Variants in KDM5A observed in about 807,000 individuals in gnomAD.
The protein encoded by KDM5A is lysine-specific demethylase 5A.
In KDM5A, 42 loss-of-function variants were observed where a neutral mutation model predicts 193.5. The observed-to-expected ratio is 0.22, with a 90% confidence interval of 0.17 to 0.28. The LOEUF (loss-of-function observed/expected upper bound fraction) is 0.28, where lower values mean the gene tolerates loss of function less well. Ranked by LOEUF, KDM5A falls within the 10% of genes least tolerant of loss-of-function variation. The probability of loss-of-function intolerance (pLI) is 1.00; values close to 1 mark genes in which losing one functional copy is unlikely to be tolerated. For synonymous variants in KDM5A, 796 were observed against 718.1 expected, an observed-to-expected ratio of 1.11 and a Z score of -1.73; for missense variants, 1,692 against 2,055.1, an observed-to-expected ratio of 0.82 and a Z score of 3.42.
At chr12:378,655 G>A (rs988592046) in intron 3 of KDM5A, among the ~76,000 whole-genome samples, 1 of 152,134 alleles carries the variant, frequency 6.6e-6, no homozygotes. Flanking sequence ...TGCTGAAGTG[G>A]TTATAAAAAC....
chr12:354,353 C>G (rs1360246120), intron 7 of KDM5A, 119 bp from the exon 8 acceptor site: 1 of 699,382 alleles, frequency 1.4e-6, no homozygotes, highest in African/African-American at 1.8e-5. Context: ...TAACTTAAAT[C>G]CTGAATGTCT....
chr12:345,039 G>T (rs951697638), intron 10 of KDM5A, among the ~76,000 whole-genome samples: 1 of 151,740 alleles, frequency 6.6e-6, no homozygotes. Context: ...GTGCAAAGAC[G>T]CACACAGGCT....
intron 10 of KDM5A, among the ~76,000 whole-genome samples, chr12:348,471 T>C (rs1277713931): frequency 2.0e-5 from 3 of 152,210 alleles, no homozygotes; most frequent in South Asian, 2.1e-4. Context: ...CGTATGTTTA[T>C]TGCGGCAGTA....
intron 3 of KDM5A, among the ~76,000 whole-genome samples, chr12:376,274 C>T (rs1591939996): frequency 6.6e-6 from 1 of 152,340 alleles, no homozygotes; most frequent in South Asian, 2.1e-4. Context: ...CAAGCCTCAG[C>T]AATTGTGGGC....
At chr12:296,225 G>T (rs1272092978) in intron 25 of KDM5A, among the ~76,000 whole-genome samples, 1 of 151,844 alleles carries the variant, frequency 6.6e-6, no homozygotes, top group Non-Finnish European at 1.5e-5. Context: ...GGAGGCTGAG[G>T]GTAGGACAAT....
intron 10 of KDM5A, among the ~76,000 whole-genome samples, chr12:345,098 A>C (rs1944054006): frequency 6.6e-6 from 1 of 152,200 alleles, no homozygotes; most frequent in African/African-American, 2.4e-5. Context: ...GAAAGCAAAA[A>C]AAAAAGCACG....
intron 11 of KDM5A, 86 bp from the exon 12 acceptor site, chr12:333,735 T>G: frequency 1.7e-6 from 2 of 1,207,690 alleles, no homozygotes; most frequent in Non-Finnish European, 2.5e-6. Context: ...AAATTATAAT[T>G]AACTTGTCTT....
At chr12:365,876 T>A (rs1430376791) in intron 4 of KDM5A, 58 bp downstream of exon 4, 2 of 1,570,948 alleles carry the variant, frequency 1.3e-6, no homozygotes, top group East Asian at 4.5e-5. Context: ...CAGTCTAAAG[T>A]TTGTACTTGG....
At chr12:365,664 A>G (rs1944349044) in intron 4 of KDM5A, among the ~76,000 whole-genome samples, 2 of 152,222 alleles carry the variant, frequency 1.3e-5, no homozygotes, top group Admixed American at 6.5e-5. Flanking sequence ...TAACTAATAA[A>G]GCTGTTTTAG....
At chr12:310,334 G>A (rs1055935917) in intron 21 of KDM5A, among the ~76,000 whole-genome samples, 9 of 152,060 alleles carry the variant, frequency 5.9e-5, no homozygotes, top group African/African-American at 2.2e-4. Context: ...GGAGAAATAC[G>A]ATCTTTCAAT....
At position 295,766 on chromosome 12, in the gene KDM5A, C is replaced by T. The variant is rs866992140; in HGVS notation, c.4262G>A (p.Arg1421Gln). 7 of 1,613,868 alleles carry T rather than the reference C, an allele frequency of 4.3e-6. No individual in the cohort carries two copies. Among genetic ancestry groups the T allele is most frequent in the African/African-American group, 2.7e-5 (2 of 74,872 alleles). ...QGSSTPRKQP[R>Q]KSPLVPRSLE... ...ACTTCGGGGCACCAAAGGGCTCTTC[C>T]GAGGTTGTTTCCTTGGGGTGCTAGA... Residue 1421 changes from arginine to glutamine, a missense_variant, in exon 26 of 28, where the codon CGG becomes CAG. Arg to Gln is a conservative substitution (Grantham distance 43). This residue lies in a region of KDM5A where 965 missense variants were observed against 1,061.0 expected (regional missense o/e 0.91). Coordinates refer to ENST00000399788, the MANE Select transcript of KDM5A (RefSeq NM_001042603.3).
chr12:310,095 T>C, intron 21 of KDM5A, 131 bp from the exon 22 acceptor site: 2 of 815,148 alleles, frequency 2.5e-6, no homozygotes, highest in Non-Finnish European at 3.9e-6. Context: ...ATACACATGA[T>C]CTAATTCATT....
At chr12:312,057 G>T (rs188173628) in intron 20 of KDM5A, among the ~76,000 whole-genome samples, 1 of 152,242 alleles carries the variant, frequency 6.6e-6, no homozygotes, top group East Asian at 1.9e-4. Flanking sequence ...TTGACACCCA[G>T]AATACGTTCC....
intron 24 of KDM5A, among the ~76,000 whole-genome samples, chr12:298,578 C>A (rs1943402686): frequency 6.6e-6 from 1 of 152,136 alleles, no homozygotes; most frequent in South Asian, 2.1e-4. Flanking sequence ...TAGATAAATC[C>A]ACGAAGATGG....
At chr12:318,068 A>T in intron 19 of KDM5A, 38 bp downstream of exon 19, 1 of 1,419,214 alleles carries the variant, frequency 7.0e-7, no homozygotes, top group Non-Finnish European at 1.0e-6. Flanking sequence ...CTTCTGACTT[A>T]GTTGTTAAAG....
intron 18 of KDM5A, among the ~76,000 whole-genome samples, chr12:318,893 A>C (rs911499927): frequency 2.0e-5 from 3 of 152,254 alleles, no homozygotes; most frequent in Non-Finnish European, 2.9e-5. Flanking sequence ...GGGGAAGGGC[A>C]TATTACTTAG....
At chr12:325,166 T>C (rs973374552) in intron 14 of KDM5A, among the ~76,000 whole-genome samples, 3 of 152,234 alleles carry the variant, frequency 2.0e-5, no homozygotes, top group African/African-American at 4.8e-5. Context: ...TGGCATTTAG[T>C]ATTTTCTTTA....
intron 24 of KDM5A, among the ~76,000 whole-genome samples, chr12:303,191 T>A (rs763188852): frequency 6.6e-6 from 1 of 152,146 alleles, no homozygotes; most frequent in Non-Finnish European, 1.5e-5. Context: ...TATAAATCAT[T>A]CTACTATAGA....
chr12:334,014 A>G (rs1041945303), intron 11 of KDM5A, among the ~76,000 whole-genome samples: 7 of 152,220 alleles, frequency 4.6e-5, no homozygotes, highest in Non-Finnish European at 7.3e-5. Context: ...AATAATGGAC[A>G]TTTCAATTAT....
Sources: gnomAD v4.1 joint callset for allele counts (sites outside exome capture counted in the v4.1 genomes callset) on GRCh38, gnomAD v4.1.1 for gene constraint, gnomAD v4.1.1 regional missense constraint, MANE v1.5 for transcripts, NCBI Gene and HGNC (gene_info 2026-07-23, HGNC 2026-07-21) for gene names.